The following OLA1 variants were observed in gnomAD, a reference collection of about 807,000 sequenced individuals.
OLA1 encodes Obg like ATPase 1.
A neutral mutation model predicts 48.4 loss-of-function variants in OLA1; 14 were observed. The ratio of observed to expected loss-of-function variants is 0.29; its 90% CI spans 0.19 to 0.45. The LOEUF (loss-of-function observed/expected upper bound fraction) is 0.45, where lower values mean the gene tolerates loss of function less well. Ranked by LOEUF, OLA1 falls within the 20% of genes least tolerant of loss-of-function variation. The pLI is 1.00. For synonymous variants in OLA1, 127 were observed against 150.4 expected, an observed-to-expected ratio of 0.84 and a Z score of 1.14; for missense variants, 325 against 467.1, an observed-to-expected ratio of 0.70 and a Z score of 2.80.
chr2:174,181,509 G>A (rs1204313215), intron 4 of OLA1, among the ~76,000 whole-genome samples: 4 of 152,212 alleles, frequency 2.6e-5, no homozygotes, highest in Non-Finnish European at 1.5e-5. Context: ...GGGCATGACA[G>A]CAGGATCATA....
intron 10 of OLA1, among the ~76,000 whole-genome samples, chr2:174,077,349 C>T (rs930463803): frequency 1.3e-5 from 2 of 151,882 alleles, no homozygotes; most frequent in Non-Finnish European, 2.9e-5. Context: ...TACATACATA[C>T]ATACATACAT....
chr2:174,243,415 T>G (rs537953577), intron 2 of OLA1, among the ~76,000 whole-genome samples: 1 of 152,278 alleles, frequency 6.6e-6, no homozygotes, highest in East Asian at 1.9e-4. Context: ...GGCAAGAGAA[T>G]AAAATCTTGT....
intron 4 of OLA1, among the ~76,000 whole-genome samples, chr2:174,189,207 T>C (rs951224078): frequency 6.6e-6 from 1 of 151,940 alleles, no homozygotes; most frequent in African/African-American, 2.4e-5. Flanking sequence ...GGATTAGAGA[T>C]TTACAAAGAA....
At chr2:174,197,230 G>A (rs1264121245) in intron 4 of OLA1, among the ~76,000 whole-genome samples, 1 of 152,080 alleles carries the variant, frequency 6.6e-6, no homozygotes, top group Non-Finnish European at 1.5e-5. Context: ...CCTTCCCATA[G>A]AAGCTAAACA....
intron 7 of OLA1, among the ~76,000 whole-genome samples, chr2:174,117,774 C>A (rs1411537558): frequency 6.6e-6 from 1 of 152,136 alleles, no homozygotes; most frequent in Non-Finnish European, 1.5e-5. Flanking sequence ...TCAAATCCTA[C>A]AAACTATCTT....
chr2:174,163,711 AATATATATAT>A (rs58320338), intron 4 of OLA1, among the ~76,000 whole-genome samples: 46 of 34,388 alleles, frequency 1.3e-3, no homozygotes, highest in Admixed American at 3.0e-3. Flanking sequence ...TAAATAAATA[AATATATATAT>A]ATATATATAT....
intron 4 of OLA1, among the ~76,000 whole-genome samples, chr2:174,179,780 A>G (rs1232659021): frequency 6.6e-6 from 1 of 152,060 alleles, no homozygotes; most frequent in Non-Finnish European, 1.5e-5. Flanking sequence ...CACTTAATAA[A>G]TGTTTGCTAT....
At chr2:174,206,578 C>T (rs1688120000) in intron 4 of OLA1, among the ~76,000 whole-genome samples, 1 of 150,616 alleles carries the variant, frequency 6.6e-6, no homozygotes. Flanking sequence ...AATACAAATG[C>T]CTCAATCACC....
At chr2:174,210,501 G>T (rs1045700037) in intron 4 of OLA1, among the ~76,000 whole-genome samples, 1 of 152,026 alleles carries the variant, frequency 6.6e-6, no homozygotes, top group Non-Finnish European at 1.5e-5. Context: ...ATCAAAAGGA[G>T]TGCAAAACTG....
At chr2:174,182,003 G>C (rs1687555100) in intron 4 of OLA1, among the ~76,000 whole-genome samples, 1 of 152,048 alleles carries the variant, frequency 6.6e-6, no homozygotes, top group Admixed American at 6.5e-5. Context: ...AATAAATTGT[G>C]GGAAAAGAGG....
intron 8 of OLA1, 102 bp downstream of exon 8, chr2:174,081,822 T>C: frequency 9.1e-7 from 1 of 1,098,180 alleles, no homozygotes; most frequent in South Asian, 1.4e-5. Flanking sequence ...CTCTTTATAA[T>C]GGTAATTACT....
chr2:174,237,440 C>T (rs956784666), intron 2 of OLA1, among the ~76,000 whole-genome samples: 2 of 151,938 alleles, frequency 1.3e-5, no homozygotes, highest in Admixed American at 6.6e-5. Context: ...AGAGTACACT[C>T]TAAAGTAACC....
intron 4 of OLA1, among the ~76,000 whole-genome samples, chr2:174,148,342 C>T (rs1441082647): frequency 1.3e-5 from 2 of 152,062 alleles, no homozygotes; most frequent in African/African-American, 4.8e-5. Flanking sequence ...TGAGCCAAGA[C>T]GGTGCCACTG....
intron 4 of OLA1, among the ~76,000 whole-genome samples, chr2:174,204,332 C>A (rs1688062943): frequency 6.6e-6 from 1 of 151,898 alleles, no homozygotes; most frequent in East Asian, 1.9e-4. Context: ...ACCCAGGAGG[C>A]AAAGCTTGCA....
chr2:174,155,721 C>A (rs1306266825), intron 4 of OLA1, among the ~76,000 whole-genome samples: 1 of 151,872 alleles, frequency 6.6e-6, no homozygotes, highest in African/African-American at 2.4e-5. Flanking sequence ...TAACTAAGAC[C>A]AATGAATGTA....
chr2:174,161,549 T>C (rs1016527526), intron 4 of OLA1, among the ~76,000 whole-genome samples: 1 of 152,028 alleles, frequency 6.6e-6, no homozygotes, highest in African/African-American at 2.4e-5. Context: ...CCTGTGGTCC[T>C]GGCTACTTGG....
At chr2:174,080,319 G>C (rs1291878595) in intron 9 of OLA1, among the ~76,000 whole-genome samples, 1 of 151,908 alleles carries the variant, frequency 6.6e-6, no homozygotes, top group Non-Finnish European at 1.5e-5. Context: ...TTATCGTGTA[G>C]CATATATTTA....
intron 2 of OLA1, chr2:174,240,573 TAAGAAA>T (rs1371891946): frequency 6.7e-6 from 1 of 149,966 alleles, no homozygotes; most frequent in Non-Finnish European, 1.5e-5. Flanking sequence ...AACTAATCAT[TAAGAAA>T]AAAAAAGACT....
intron 5 of OLA1, among the ~76,000 whole-genome samples, chr2:174,137,203 C>G (rs1686329384): frequency 6.6e-6 from 1 of 152,180 alleles, no homozygotes; most frequent in Admixed American, 6.5e-5. Flanking sequence ...TCCATCAGAG[C>G]TCTGGAATGA....
Sources: allele counts gnomAD v4.1 joint callset (sites outside exome capture counted in the v4.1 genomes callset), GRCh38; gene constraint gnomAD v4.1.1; transcripts MANE v1.5; gene names NCBI Gene and HGNC (gene_info 2026-07-23, HGNC 2026-07-21).